Variants in TENT4B observed in about 807,000 individuals in gnomAD.
TENT4B encodes the protein PAP associated domain containing 5.
In TENT4B, 10 loss-of-function variants were observed where a neutral mutation model predicts 75.0. The ratio of observed to expected loss-of-function variants is 0.13; its 90% CI spans 0.08 to 0.23. The LOEUF is 0.23. Ranked by LOEUF, TENT4B falls within the 10% of genes least tolerant of loss-of-function variation. TENT4B has a pLI of 1.00. For missense variants in TENT4B, 579 were observed against 893.8 expected (o/e 0.65, Z 4.49); for synonymous variants, 350 against 357.7 (o/e 0.98, Z 0.24).
At chr16:50,199,832 C>T (rs1020642119) in intron 1 of TENT4B, among the ~76,000 whole-genome samples, 2 of 152,130 alleles carry the variant, frequency 1.3e-5, no homozygotes, top group East Asian at 1.9e-4. Flanking sequence ...GACAGGGTGT[C>T]ATTGTGTTTT....
chr16:50,220,338 CT>C (rs889411502), intron 5 of TENT4B, among the ~76,000 whole-genome samples: 10 of 147,696 alleles, frequency 6.8e-5, no homozygotes, highest in Non-Finnish European at 9.0e-5. Context: ...TATGTGGCCA[CT>C]TTTTTTTTTC....
At chr16:50,152,928 C>G (rs755943174), upstream of TENT4B, 9 of 1,489,696 alleles carry the variant, frequency 6.0e-6, no homozygotes, top group South Asian at 6.2e-5. Context: ...ACAACGCGCT[C>G]CCTGCGGGGC....
At position 50,214,185 on chromosome 16, in the gene TENT4B, A is replaced by AC. The variant is rs772021100; in HGVS notation, c.763-36_763-35insC. 2.1e-6 allele frequency: 3 copies of AC among 1,460,444 alleles called. No individual in the cohort carries two copies. The Admixed American group carries it at 5.6e-5, about 27-fold the overall frequency. 90.5% of individuals were successfully genotyped at this position (1,460,444 alleles called of 1,614,324 possible). The stretch of plus-strand genomic sequence containing the variant: ...ACTCAATATGATAACAACTTCTGAT[A>AC]ACTCAATATAATAACAACTTCTTTT... On this transcript the variant is annotated intron_variant, in intron 2 of 11. Transcript: ENST00000561678.
intron 1 of TENT4B, among the ~76,000 whole-genome samples, chr16:50,197,070 G>A (rs183926413): frequency 1.7e-3 from 252 of 151,612 alleles, no homozygotes; most frequent in Middle Eastern, 3.4e-3. Flanking sequence ...TTGTGCCACT[G>A]CCTTCCAGCC....
chr16:50,174,145 T>A (rs1419827762), intron 1 of TENT4B, among the ~76,000 whole-genome samples: 1 of 152,238 alleles, frequency 6.6e-6, no homozygotes, highest in Non-Finnish European at 1.5e-5. Flanking sequence ...TCGCCCAGTC[T>A]GGAATGCAGT....
chr16:50,196,883 C>T (rs553818305), intron 1 of TENT4B, among the ~76,000 whole-genome samples: 1 of 151,592 alleles, frequency 6.6e-6, no homozygotes, highest in South Asian at 2.1e-4. Flanking sequence ...CTGCAGTGAG[C>T]TATGGTTGTG....
intron 1 of TENT4B, among the ~76,000 whole-genome samples, chr16:50,163,198 G>T (rs924368114): frequency 6.6e-6 from 1 of 152,154 alleles, no homozygotes; most frequent in Non-Finnish European, 1.5e-5. Context: ...ATAGGATTGT[G>T]TTTTAATTCT....
chr16:50,202,668 T>C (rs1281984411), intron 1 of TENT4B, among the ~76,000 whole-genome samples: 8 of 152,154 alleles, frequency 5.3e-5, no homozygotes. Flanking sequence ...AAGAGTAGTT[T>C]GGGTAATTCA....
Position 50,154,206 on chromosome 16 carries a change from C to T in TENT4B, c.585C>T (p.Val195=), listed in dbSNP as rs1951218998. 3 of 1,497,376 alleles carry T rather than the reference C, an allele frequency of 2.0e-6. No homozygotes were observed. The highest frequency in any genetic ancestry group is 1.7e-4 in the Middle Eastern group (1 of 5,738). 92.8% of individuals were successfully genotyped at this position (1,497,376 alleles called of 1,614,324 possible). Residue 195 remains valine, a synonymous_variant, in exon 1 of 12, where the codon GTC becomes GTT. Coordinates refer to ENST00000561678, the MANE Select transcript of TENT4B (RefSeq NM_001365324.3). ...AGGGRADGGG[V]VYSGTPWKRR... ...GCGGCCGAGCAGACGGCGGCGGGGT[C>T]GTGTACAGCGGGACCCCGTGGAAAC...
In TENT4B at chr16:50,229,215, C is replaced by T. The variant is rs1263122461; in HGVS notation, c.2029C>T (p.His677Tyr). Residue 677 changes from histidine (H) to tyrosine (Y), a missense_variant, in exon 12 of 12, where the codon CAT becomes TAT. Transcript: ENST00000561678. ...KGFQGTTQTS[H>Y]GSLMTNKQHQ... ...CTTCCAAGGTACAACTCAAACAAGC[C>T]ATGGTTCCTTGATGACAAACAAACA... 1 of 1,613,820 alleles carries T rather than the reference C, an allele frequency of 6.2e-7. No individual in the cohort carries two copies. Among genetic ancestry groups the T allele is most frequent in the Non-Finnish European group, 8.5e-7 (1 of 1,179,868 alleles).
intron 1 of TENT4B, among the ~76,000 whole-genome samples, chr16:50,201,366 G>A (rs1030732647): frequency 1.1e-4 from 16 of 150,894 alleles, no homozygotes; most frequent in African/African-American, 3.9e-4. Context: ...GTGAAACGCT[G>A]TCTCTACTAA....
chr16:50,175,705 C>T (rs1007198093), intron 1 of TENT4B, among the ~76,000 whole-genome samples: 4 of 151,858 alleles, frequency 2.6e-5, no homozygotes, highest in Admixed American at 6.6e-5. Context: ...CTCTTGACCT[C>T]GTGATCCGCC....
intron 1 of TENT4B, among the ~76,000 whole-genome samples, chr16:50,170,331 T>G (rs550783916): frequency 9.2e-5 from 14 of 152,294 alleles, no homozygotes; most frequent in African/African-American, 3.1e-4. Context: ...CTTGTGCTAA[T>G]ATTCTTAACC....
At chr16:50,193,342 T>TG (rs1416264463) in intron 1 of TENT4B, among the ~76,000 whole-genome samples, 1 of 148,232 alleles carries the variant, frequency 6.7e-6, no homozygotes, top group South Asian at 2.2e-4. Flanking sequence ...TTTTTTTTTT[T>TG]TTTTTTTTTT....
chr16:50,185,481 A>G (rs181244472), intron 1 of TENT4B, among the ~76,000 whole-genome samples: 8 of 152,276 alleles, frequency 5.3e-5, no homozygotes, highest in Admixed American at 5.2e-4. Context: ...GCTGGTCTTT[A>G]TGGTAAGTTC....
intron 1 of TENT4B, among the ~76,000 whole-genome samples, chr16:50,204,927 C>T (rs1157367443): frequency 6.6e-6 from 1 of 152,090 alleles, no homozygotes; most frequent in Non-Finnish European, 1.5e-5. Flanking sequence ...CTTCTGTGTC[C>T]CCAGCTGTCA....
chr16:50,190,038 T>C (rs1428360720), intron 1 of TENT4B, among the ~76,000 whole-genome samples: 2 of 142,768 alleles, frequency 1.4e-5, no homozygotes, highest in Non-Finnish European at 3.0e-5. Flanking sequence ...ATTGTGCCAC[T>C]GCACTCCAGC....
upstream of TENT4B, chr16:50,153,168 G>T (rs2037795459): frequency 4.1e-6 from 1 of 245,566 alleles, no homozygotes. Flanking sequence ...GGGCGAGCGC[G>T]TGAGGGCGGG....
intron 1 of TENT4B, among the ~76,000 whole-genome samples, chr16:50,179,995 G>T (rs1042248473): frequency 6.6e-6 from 1 of 152,066 alleles, no homozygotes; most frequent in South Asian, 2.1e-4. Context: ...TTCTAAGTGC[G>T]GTTCTCAATC....
Sources: gnomAD v4.1 joint callset for allele counts (sites outside exome capture counted in the v4.1 genomes callset) on GRCh38, gnomAD v4.1.1 for gene constraint, MANE v1.5 for transcripts, NCBI Gene and HGNC (gene_info 2026-07-23, HGNC 2026-07-21) for gene names.